The following NEMP2 variants were observed in gnomAD, a reference collection of about 807,000 sequenced individuals.
NEMP2 encodes the protein UPF0571 transmembrane protein.
In NEMP2, 53 loss-of-function variants were observed where a neutral mutation model predicts 54.2. The ratio of observed to expected loss-of-function variants is 0.98; its 90% CI spans 0.78 to 1.23. NEMP2 has a LOEUF of 1.23. Ranked by LOEUF, NEMP2 falls within the 50% of genes most tolerant of loss-of-function variation. The pLI is 0.00. For missense variants in NEMP2, 455 were observed against 511.3 expected, an observed-to-expected ratio of 0.89 and a Z score of 1.06; for synonymous variants, 197 against 190.3, an observed-to-expected ratio of 1.04 and a Z score of -0.29.
the NEMP2 span, among the ~76,000 whole-genome samples, chr2:190,617,841 G>A: frequency 2.6e-5 from 4 of 152,066 alleles, no homozygotes; most frequent in African/African-American, 4.8e-5. This position sits in a 1 kb window ranked among gnomAD's most constrained non-coding sequence, Gnocchi z 5.0. Flanking sequence ...TTATCACCAC[G>A]ATTACTGCTA....
At position 190,508,066 on chromosome 2, in the gene NEMP2, G is replaced by C. The variant is rs1559153192; in HGVS notation, c.*1123C>G. ...TCTGGAGTTTAATATCATGAATCAA[G>C]AAAAAAAATCATTTTATAAGAAATT... On this transcript the variant is annotated 3_prime_UTR_variant, in exon 9 of 9. Transcript: ENST00000409150. The surrounding 1 kb of genome is among the most constrained non-coding windows in gnomAD (Gnocchi z 4.3). 1.3e-5 allele frequency: 2 copies of C among 151,410 alleles called. No individual in the cohort carries two copies. The highest frequency in any genetic ancestry group is 2.1e-4 in the South Asian group (1 of 4,818). The allele number at this position is 151,410 out of a possible 1,614,324, so 9.4% of individuals were successfully genotyped here. A position where few individuals can be genotyped will look rare whatever the true frequency, so the allele number is the denominator to read the frequency against.
chr2:190,534,127 C>G (rs1459074090), intron 1 of NEMP2: 1 of 990,444 alleles, frequency 1.0e-6, no homozygotes, highest in Non-Finnish European at 1.2e-6. Context: ...GTCTTGAGAC[C>G]AAAGGAATGC....
At chr2:190,478,645 C>T in the NEMP2 span, among the ~76,000 whole-genome samples, 14 of 152,094 alleles carry the variant, frequency 9.2e-5, no homozygotes, top group Admixed American at 3.9e-4. Flanking sequence ...GAGGACAAGC[C>T]CACTCTCACA....
chr2:190,534,647 C>T lies in NEMP2; in HGVS notation c.9G>A (p.Pro3=), dbSNP rs1464833072. 1 of 1,330,978 alleles carries T rather than the reference C, an allele frequency of 7.5e-7. No individual in the cohort carries two copies. Among genetic ancestry groups the T allele is most frequent in the Non-Finnish European group, 9.6e-7 (1 of 1,044,620 alleles). 82.4% of individuals were successfully genotyped at this position (1,330,978 alleles called of 1,614,324 possible). The change falls in exon 1 of 9, where the codon CCG becomes CCA. Residue 3 remains proline (P), a synonymous_variant. Transcript: ENST00000409150. MG[P]RQGRWWLLLW... is the part of the protein sequence containing the mutation. ...GCAGCAGCCACCACCGCCCTTGGCG[C>T]GGCCCCATTTCGTTAGGGGTCAGCT...
the NEMP2 span, chr2:190,436,173 T>C: frequency 5.0e-6 from 8 of 1,614,068 alleles, no homozygotes; most frequent in East Asian, 1.6e-4. The surrounding 1 kb of genome is among the most constrained non-coding windows in gnomAD (Gnocchi z 5.3). Context: ...AAACATCTGC[T>C]ATTCCTGAGG....
chr2:190,645,495 A>T, the NEMP2 span, among the ~76,000 whole-genome samples: 5 of 152,240 alleles, frequency 3.3e-5, no homozygotes, highest in Admixed American at 3.3e-4. Context: ...AGAAGTAGGC[A>T]TCACATATTT....
the NEMP2 span, chr2:190,497,497 C>T: frequency 6.2e-7 from 1 of 1,614,098 alleles, no homozygotes; most frequent in South Asian, 1.1e-5. The surrounding 1 kb of genome is among the most constrained non-coding windows in gnomAD (Gnocchi z 5.2). Context: ...CTATAGCAAC[C>T]ATCGACTTGG....
chr2:190,523,102 A>C lies in NEMP2; in HGVS notation c.213+2161T>G, dbSNP rs1480415275. Among the ~76,000 whole-genome samples, 1 of 152,210 alleles carries C rather than the reference A, an allele frequency of 6.6e-6. No homozygotes were observed. The highest frequency in any genetic ancestry group is 1.5e-5 in the Non-Finnish European group (1 of 68,042). On this transcript the variant is annotated intron_variant, in intron 2 of 8. Transcript: ENST00000409150. The surrounding 1 kb of genome is among the most constrained non-coding windows in gnomAD (Gnocchi z 5.3). Reference sequence around the variant, plus strand: ...GGCTTTTTGTCAACAAACTAAAAAAATAAAAATAAAAATGATAATAAAATT... The same window carrying C: ...GGCTTTTTGTCAACAAACTAAAAAACTAAAAATAAAAATGATAATAAAATT...
upstream of NEMP2, among the ~76,000 whole-genome samples, chr2:190,535,569 C>T (rs1178717098): frequency 1.3e-5 from 2 of 152,176 alleles, no homozygotes; most frequent in Non-Finnish European, 2.9e-5. Context: ...TAATTCTGGT[C>T]TTTTGGTGAG....
At chr2:190,453,604 C>A in the NEMP2 span, among the ~76,000 whole-genome samples, 2 of 152,294 alleles carry the variant, frequency 1.3e-5, no homozygotes, top group South Asian at 2.1e-4. Context: ...GTGCTTCTAA[C>A]GTGGGCATAA....
the NEMP2 span, among the ~76,000 whole-genome samples, chr2:190,540,107 G>A: frequency 3.9e-5 from 6 of 152,004 alleles, no homozygotes; most frequent in East Asian, 1.9e-4. Flanking sequence ...TATTCAGTTC[G>A]TTGAAGGTTT....
At chr2:190,437,361 C>T in the NEMP2 span, 16 of 1,614,132 alleles carry the variant, frequency 9.9e-6, no homozygotes, top group East Asian at 2.2e-5. This position sits in a 1 kb window ranked among gnomAD's most constrained non-coding sequence, Gnocchi z 5.9. Context: ...TGCTCTGCAG[C>T]GTGCAGTATG....
At chr2:190,596,726 G>A in the NEMP2 span, among the ~76,000 whole-genome samples, 1 of 152,136 alleles carries the variant, frequency 6.6e-6, no homozygotes, top group Non-Finnish European at 1.5e-5. This position sits in a 1 kb window ranked among gnomAD's most constrained non-coding sequence, Gnocchi z 5.1. Flanking sequence ...ATAAATTTGT[G>A]TATAATTCAA....
the NEMP2 span, chr2:190,442,671 A>G: frequency 6.6e-6 from 1 of 152,200 alleles, no homozygotes; most frequent in African/African-American, 2.4e-5. Context: ...CTACATTTCC[A>G]GCTTGGTATG....
At chr2:190,644,152 G>A in the NEMP2 span, among the ~76,000 whole-genome samples, 2 of 141,942 alleles carry the variant, frequency 1.4e-5, no homozygotes, top group South Asian at 4.3e-4. The surrounding 1 kb of genome is among the most constrained non-coding windows in gnomAD (Gnocchi z 4.4). Context: ...CTGAGCTGAA[G>A]CCTGTTTCCT....
chr2:190,637,352 A>G, the NEMP2 span, among the ~76,000 whole-genome samples: 1 of 152,114 alleles, frequency 6.6e-6, no homozygotes, highest in African/African-American at 2.4e-5. The surrounding 1 kb of genome is among the most constrained non-coding windows in gnomAD (Gnocchi z 4.5). Flanking sequence ...CATGTCTGAC[A>G]CTCACAGCTT....
chr2:190,558,395 A>G, the NEMP2 span, among the ~76,000 whole-genome samples: 2 of 152,308 alleles, frequency 1.3e-5, no homozygotes, highest in East Asian at 1.9e-4. This position sits in a 1 kb window ranked among gnomAD's most constrained non-coding sequence, Gnocchi z 4.4. Flanking sequence ...GGGTGCAGCA[A>G]ACCACCATGG....
At chr2:190,470,643 G>A in the NEMP2 span, among the ~76,000 whole-genome samples, 3 of 152,118 alleles carry the variant, frequency 2.0e-5, no homozygotes, top group Admixed American at 6.5e-5. Context: ...GATTATATAC[G>A]ATTTCATTAG....
At chr2:190,503,022 T>C (rs893124189), downstream of NEMP2, among the ~76,000 whole-genome samples, 4 of 152,222 alleles carry the variant, frequency 2.6e-5, no homozygotes, top group Non-Finnish European at 5.9e-5. The surrounding 1 kb of genome is among the most constrained non-coding windows in gnomAD (Gnocchi z 6.3). Flanking sequence ...GCATCTGTTA[T>C]GGCAGAGGAA....
Sources: gnomAD v4.1 joint callset for allele counts (sites outside exome capture counted in the v4.1 genomes callset) on GRCh38, gnomAD v4.1.1 for gene constraint, Gnocchi (gnomAD v3.1) non-coding constraint, MANE v1.5 for transcripts, NCBI Gene and HGNC (gene_info 2026-07-23, HGNC 2026-07-21) for gene names.